The following STYXL1 variants were observed in gnomAD, a reference collection of about 807,000 sequenced individuals.
STYXL1 encodes the protein serine/threonine/tyrosine-interacting-like protein 1.
In STYXL1, 32 loss-of-function variants were observed where a neutral mutation model predicts 36.4. The ratio of observed to expected loss-of-function variants is 0.88; its 90% confidence interval spans 0.66 to 1.18. STYXL1 has a LOEUF of 1.18. Ranked by LOEUF, STYXL1 falls within the 50% of genes most tolerant of loss-of-function variation. The pLI, the probability that STYXL1 is intolerant of heterozygous loss-of-function variation, is 0.00. For synonymous variants in STYXL1, 133 were observed against 144.1 expected, an observed-to-expected ratio of 0.92 and a Z score of 0.55; for missense variants, 354 against 394.1, an observed-to-expected ratio of 0.90 and a Z score of 0.86.
intron 3 of STYXL1, among the ~76,000 whole-genome samples, chr7:76,024,493 T>A (rs1554577158): frequency 6.6e-6 from 1 of 152,004 alleles, no homozygotes; most frequent in East Asian, 1.9e-4. Flanking sequence ...GGTGCACACC[T>A]ATGGTCCCAG....
At chr7:76,018,414 C>A (rs1468276833) in intron 4 of STYXL1, among the ~76,000 whole-genome samples, 2 of 150,264 alleles carry the variant, frequency 1.3e-5, no homozygotes, top group East Asian at 1.9e-4. Context: ...TTTTTGAGAC[C>A]GAGTTTCACT....
Position 76,047,895 on chromosome 7 carries a change from CG to C in STYXL1, c.-239del. ...TGGGTGCAGACTGGCCCTCCCACTC[CG>C]ACCGCAGGTCCCCCACCGGCCACAC... On this transcript the variant is annotated 5_prime_UTR_variant, in exon 1 of 9. Transcript: ENST00000359697. The C allele has an allele frequency of 7.1e-7, 1 of 1,408,480 alleles. No homozygotes were observed. The highest frequency in any genetic ancestry group is 9.2e-7 in the Non-Finnish European group (1 of 1,081,290). The allele number at this position is 1,408,480 out of a possible 1,614,324, so 87.2% of individuals were successfully genotyped here.
At chr7:76,017,380 A>T (rs1165819549) in intron 4 of STYXL1, among the ~76,000 whole-genome samples, 1 of 152,108 alleles carries the variant, frequency 6.6e-6, no homozygotes, top group African/African-American at 2.4e-5. Context: ...CACAGCTATA[A>T]AAAAAGAACA....
chr7:76,005,162 T>G, intron 6 of STYXL1, 97 bp downstream of exon 6: 1 of 776,340 alleles, frequency 1.3e-6, no homozygotes. Flanking sequence ...AAACGTAAAG[T>G]GTAATAATAA....
chr7:76,017,333 T>G (rs1209449486), intron 4 of STYXL1, among the ~76,000 whole-genome samples: 1 of 151,960 alleles, frequency 6.6e-6, no homozygotes, highest in Non-Finnish European at 1.5e-5. Context: ...CCAGATTGGA[T>G]TTTTTAAATG....
rs782494114 is a variant in STYXL1 at position 76,003,799 on chromosome 7, G to C, written c.656C>G (p.Ala219Gly). 1 of 1,614,094 alleles carries C rather than the reference G, an allele frequency of 6.2e-7. No homozygotes were observed. Among genetic ancestry groups the C allele is most frequent in the African/African-American group, 1.3e-5 (1 of 74,934 alleles). Reference sequence around the variant, plus strand: ...GTGGCGTAAGAAGGGAAGAATCTGGGCTTCCGGGGAATCTTCTATCCGGAT... The same window carrying C: ...GTGGCGTAAGAAGGGAAGAATCTGGCCTTCCGGGGAATCTTCTATCCGGAT... ...LHIRIEDSPE[A>G]QILPFLRHMC... The change falls in exon 7 of 9, where the codon GCC becomes GGC. Residue 219 changes from alanine (A) to glycine (G), a missense_variant. Coordinates refer to ENST00000359697, the MANE Select transcript of STYXL1 (RefSeq NM_001317785.2).
chr7:76,027,945 A>T (rs2116250161), intron 3 of STYXL1, among the ~76,000 whole-genome samples: 1 of 152,232 alleles, frequency 6.6e-6, no homozygotes, highest in Non-Finnish European at 1.5e-5. Flanking sequence ...TTCTATAAAA[A>T]ATACAAAAAT....
At chr7:76,036,780 CTCTTTTTTTTTTT>C (rs1430068961) in intron 1 of STYXL1, among the ~76,000 whole-genome samples, 4 of 106,642 alleles carry the variant, frequency 3.8e-5, no homozygotes, top group African/African-American at 1.2e-4. Flanking sequence ...CACAGTATAG[CTCTTTTTTTTTTT>C]TTTTTTTTTG....
chr7:76,025,967 C>T (rs1405748543), intron 3 of STYXL1, among the ~76,000 whole-genome samples: 1 of 151,222 alleles, frequency 6.6e-6, no homozygotes, highest in Non-Finnish European at 1.5e-5. Context: ...CTGAGGTGGG[C>T]GGATCATGAG....
At chr7:76,024,563 G>C (rs1794451788) in intron 3 of STYXL1, among the ~76,000 whole-genome samples, 1 of 152,142 alleles carries the variant, frequency 6.6e-6, no homozygotes, top group Non-Finnish European at 1.5e-5. Context: ...GCTGCAGTGA[G>C]CTGTGATGGT....
intron 1 of STYXL1, among the ~76,000 whole-genome samples, chr7:76,036,840 A>C (rs1256330695): frequency 7.9e-6 from 1 of 127,078 alleles, no homozygotes; most frequent in Non-Finnish European, 1.7e-5. Flanking sequence ...GCTGGAGTGC[A>C]GTGGTGCGAT....
At chr7:76,008,736 T>C (rs1792150474) in intron 5 of STYXL1, among the ~76,000 whole-genome samples, 1 of 152,188 alleles carries the variant, frequency 6.6e-6, no homozygotes, top group South Asian at 2.1e-4. Context: ...CCAGGCATGG[T>C]GGCTGATGCT....
intron 4 of STYXL1, among the ~76,000 whole-genome samples, chr7:76,020,531 A>G (rs569740970): frequency 2.0e-5 from 3 of 152,282 alleles, no homozygotes; most frequent in Non-Finnish European, 4.4e-5. Context: ...GCCACTACCC[A>G]ATCCCTGGGG....
chr7:76,024,037 TAAA>T (rs1478814340), intron 3 of STYXL1, among the ~76,000 whole-genome samples: 1 of 151,846 alleles, frequency 6.6e-6, no homozygotes. Context: ...CACCACCACT[TAAA>T]AAGAAGGCAG....
chr7:76,042,749 G>C (rs191411663), intron 1 of STYXL1, among the ~76,000 whole-genome samples: 3 of 152,158 alleles, frequency 2.0e-5, no homozygotes, highest in Admixed American at 2.0e-4. Context: ...AGCACCCTCT[G>C]ATCTCATACA....
At position 76,000,883 on chromosome 7, in the gene STYXL1, C is replaced by G. The variant is rs782065553; in HGVS notation, c.810+7G>C. On this transcript the variant is annotated splice_region_variant and intron_variant, in intron 8 of 8. Transcript: ENST00000359697. ...CGTGGTGCGAGCCTGGCCCGGGGAA[C>G]GCATACCTGCAAGGTCTGCTCGTTA... 5 of 1,612,112 alleles carry G rather than the reference C, an allele frequency of 3.1e-6. No homozygotes were observed. The highest frequency in any genetic ancestry group is 4.2e-6 in the Non-Finnish European group (5 of 1,178,188).
At chr7:76,004,765 G>A (rs1554569548) in intron 6 of STYXL1, among the ~76,000 whole-genome samples, 1 of 151,712 alleles carries the variant, frequency 6.6e-6, no homozygotes, top group African/African-American at 2.4e-5. Context: ...ACTTTGGGAG[G>A]CCAAGGCGGG....
intron 1 of STYXL1, among the ~76,000 whole-genome samples, chr7:76,031,292 T>C (rs138006360): frequency 0.012 from 1,428 of 114,790 alleles, 25 homozygotes; most frequent in African/African-American, 0.043. Flanking sequence ...AATCATGCCA[T>C]TGCACTCCAG....
intron 5 of STYXL1, among the ~76,000 whole-genome samples, chr7:76,009,604 T>A (rs1792303966): frequency 1.3e-5 from 2 of 152,252 alleles, no homozygotes; most frequent in African/African-American, 4.8e-5. Context: ...AGAGATGGGG[T>A]TTCACCATGT....
Sources: allele counts gnomAD v4.1 joint callset (sites outside exome capture counted in the v4.1 genomes callset), GRCh38; gene constraint gnomAD v4.1.1; transcripts MANE v1.5; gene names NCBI Gene and HGNC (gene_info 2026-07-23, HGNC 2026-07-21).